Variants in NRG3 observed in about 807,000 individuals in gnomAD.
NRG3 encodes pro-neuregulin-3, membrane-bound isoform.
Under a neutral mutation model 66.9 loss-of-function variants are expected in NRG3, and 31 were observed. The observed-to-expected ratio is 0.46, with a 90% confidence interval of 0.35 to 0.63. The LOEUF is 0.63. Ranked by LOEUF, NRG3 falls within the 20% of genes least tolerant of loss-of-function variation. The pLI is 0.00. For synonymous variants in NRG3, 393 were observed against 359.4 expected (o/e 1.09, Z -1.06); for missense variants, 910 against 878.9 (o/e 1.04, Z -0.45).
chr10:81,894,990 T>C (rs1002707046), intron 1 of NRG3, among the ~76,000 whole-genome samples: 7 of 152,138 alleles, frequency 4.6e-5, no homozygotes, highest in Admixed American at 3.9e-4. Flanking sequence ...ATCATAAAAA[T>C]AGAGCCACCT....
At chr10:82,415,367 C>G (rs2088469793) in intron 2 of NRG3, among the ~76,000 whole-genome samples, 1 of 152,130 alleles carries the variant, frequency 6.6e-6, no homozygotes, top group Non-Finnish European at 1.5e-5. Flanking sequence ...AGCTCTGTTG[C>G]AGCATTACGA....
At chr10:82,073,346 T>C (rs1006112424) in intron 1 of NRG3, among the ~76,000 whole-genome samples, 6 of 152,138 alleles carry the variant, frequency 3.9e-5, no homozygotes, top group African/African-American at 1.4e-4. Flanking sequence ...ACTCCTGTCA[T>C]TTGATGACAC....
intron 1 of NRG3, among the ~76,000 whole-genome samples, chr10:81,924,304 A>G (rs1846554547): frequency 6.6e-6 from 1 of 152,218 alleles, no homozygotes; most frequent in Admixed American, 6.5e-5. Context: ...GTACTTTCTC[A>G]TTATATCCAA....
chr10:82,013,416 T>C (rs1002874526), intron 1 of NRG3, among the ~76,000 whole-genome samples: 2 of 152,158 alleles, frequency 1.3e-5, no homozygotes, highest in South Asian at 2.1e-4. Context: ...CATAAACTTA[T>C]ATGGCATATG....
intron 6 of NRG3, among the ~76,000 whole-genome samples, chr10:82,960,407 A>G (rs967313366): frequency 6.6e-6 from 1 of 152,158 alleles, no homozygotes; most frequent in African/African-American, 2.4e-5. Flanking sequence ...GATTCTAATC[A>G]GTAACATGTT....
chr10:82,198,995 TAA>T (rs377250051), intron 1 of NRG3, among the ~76,000 whole-genome samples: 44 of 129,992 alleles, frequency 3.4e-4, no homozygotes, highest in East Asian at 1.5e-3. Context: ...CGACTCCATC[TAA>T]AAAAAAAAAA....
At chr10:82,696,938 C>G (rs1279145808) in intron 2 of NRG3, among the ~76,000 whole-genome samples, 1 of 152,088 alleles carries the variant, frequency 6.6e-6, no homozygotes, top group Non-Finnish European at 1.5e-5. Context: ...GAAAAACGTC[C>G]CTCCATTGCA....
intron 2 of NRG3, among the ~76,000 whole-genome samples, chr10:82,569,861 ACT>A (rs1215317989): frequency 5.3e-5 from 8 of 151,708 alleles, no homozygotes; most frequent in African/African-American, 1.9e-4. Context: ...ACTTGGATAT[ACT>A]AACATGTCTC....
intron 1 of NRG3, among the ~76,000 whole-genome samples, chr10:82,022,642 T>C (rs372209840): frequency 3.2e-4 from 49 of 152,034 alleles, no homozygotes; most frequent in African/African-American, 1.1e-3. Flanking sequence ...TGCCCTGGCC[T>C]TTTGGGGAAG....
At chr10:82,475,784 T>A (rs2132095682) in intron 2 of NRG3, among the ~76,000 whole-genome samples, 1 of 152,260 alleles carries the variant, frequency 6.6e-6, no homozygotes, top group South Asian at 2.1e-4. Context: ...GATCTGGCAA[T>A]GATCTTTTGG....
At chr10:82,432,768 C>A (rs1192293397) in intron 2 of NRG3, among the ~76,000 whole-genome samples, 1 of 152,138 alleles carries the variant, frequency 6.6e-6, no homozygotes, top group African/African-American at 2.4e-5. Flanking sequence ...CTTCTAGTGT[C>A]ATCCGAGTCC....
At position 82,100,594 on chromosome 10, in the gene NRG3, G is replaced by C. The variant is rs77184623; in HGVS notation, c.823+224431G>C. On this transcript the variant is annotated intron_variant, in intron 1 of 8. Transcript: ENST00000372141. ...ATTTTAGTGTTCTGAGATTTAATCT[G>C]TCAAATCTGTCAGTTTTTTGTATAT... Among the ~76,000 whole-genome samples the C allele has an allele frequency of 6.6e-3, 1,004 of 152,122 alleles. 10 individuals are homozygous for C. Among genetic ancestry groups the C allele is most frequent in the African/African-American group, 0.023 (963 of 41,534 alleles).
intron 1 of NRG3, among the ~76,000 whole-genome samples, chr10:81,935,466 G>A (rs1187670429): frequency 2.0e-5 from 3 of 152,110 alleles, no homozygotes; most frequent in Non-Finnish European, 4.4e-5. Flanking sequence ...GGTTTTAGTA[G>A]CTGAGAAACT....
At chr10:82,236,227 A>G (rs1273765884) in intron 1 of NRG3, among the ~76,000 whole-genome samples, 1 of 152,206 alleles carries the variant, frequency 6.6e-6, no homozygotes, top group African/African-American at 2.4e-5. Context: ...GCCACCTTCC[A>G]GTACTGTAGT....
chr10:82,910,329 C>T (rs575985269), intron 4 of NRG3, among the ~76,000 whole-genome samples: 1 of 152,268 alleles, frequency 6.6e-6, no homozygotes, highest in African/African-American at 2.4e-5. Context: ...GTTATTGCCC[C>T]AGAAAGAAAC....
chr10:82,043,132 C>A (rs1399509387), intron 1 of NRG3, among the ~76,000 whole-genome samples: 1 of 151,974 alleles, frequency 6.6e-6, no homozygotes. Context: ...GCTTCTTAAA[C>A]CCAGAATTAT....
At chr10:81,994,611 A>C (rs560418371) in intron 1 of NRG3, among the ~76,000 whole-genome samples, 1 of 152,202 alleles carries the variant, frequency 6.6e-6, no homozygotes, top group South Asian at 2.1e-4. Flanking sequence ...ATGAGATAAT[A>C]GCTTTCTATT....
chr10:82,134,958 A>C (rs183122704), intron 1 of NRG3, among the ~76,000 whole-genome samples: 183 of 151,920 alleles, frequency 1.2e-3, no homozygotes, highest in African/African-American at 4.3e-3. Flanking sequence ...CCTCATCTCT[A>C]CTAAAAAATA....
intron 2 of NRG3, among the ~76,000 whole-genome samples, chr10:82,445,152 T>G (rs1432851392): frequency 6.8e-6 from 1 of 146,894 alleles, no homozygotes; most frequent in Non-Finnish European, 1.5e-5. Context: ...TTTTTTTTTT[T>G]GTACCCTATA....
Sources: allele counts gnomAD v4.1 joint callset (sites outside exome capture counted in the v4.1 genomes callset), GRCh38; gene constraint gnomAD v4.1.1; transcripts MANE v1.5; gene names NCBI Gene and HGNC (gene_info 2026-07-23, HGNC 2026-07-21).